Variants in EDA2R observed in about 807,000 individuals in gnomAD.
The protein encoded by EDA2R is ectodysplasin A2 receptor.
A neutral mutation model predicts 20.1 loss-of-function variants in EDA2R; 26 were observed. The ratio of observed to expected loss-of-function variants is 1.30; its 90% CI spans 0.95 to 1.80. EDA2R has a LOEUF of 1.80. Among genes scored for constraint, EDA2R ranks in the 40% most tolerant of loss-of-function variants. The probability of loss-of-function intolerance (pLI) is 0.00; values close to 1 mark genes in which losing one functional copy is unlikely to be tolerated. For missense variants in EDA2R, 277 were observed against 228.7 expected (o/e 1.21, Z -1.36); for synonymous variants, 114 against 88.7 (o/e 1.29, Z -1.60).
At chrX:66,600,435 G>A (rs1168597399) in intron 5 of EDA2R, among the ~76,000 whole-genome samples, 1 of 111,847 alleles carries the variant, frequency 8.9e-6, no homozygotes, top group Non-Finnish European at 1.9e-5. Flanking sequence ...GGCTAGGAAT[G>A]ACCTTCAGCT....
intron 1 of EDA2R, among the ~76,000 whole-genome samples, chrX:66,616,984 T>C (rs1931797966): frequency 8.9e-6 from 1 of 112,412 alleles, no homozygotes; most frequent in Admixed American, 9.4e-5. Context: ...AGAAAGGTTG[T>C]CTTCTACAAA....
intron 1 of EDA2R, among the ~76,000 whole-genome samples, chrX:66,625,602 G>A (rs1304991569): frequency 9.0e-6 from 1 of 111,351 alleles, no homozygotes; most frequent in Non-Finnish European, 1.9e-5. Context: ...AAGACAAAGG[G>A]CATATACTCT....
intron 3 of EDA2R, 104 bp downstream of exon 3, chrX:66,604,944 T>A (rs1325101692): frequency 1.3e-6 from 1 of 750,957 alleles, no homozygotes; most frequent in Non-Finnish European, 1.9e-6. Context: ...GAATATTATG[T>A]TTATAAGAAG....
chrX:66,602,565 C>T, intron 5 of EDA2R, 68 bp downstream of exon 5: 8 of 1,083,174 alleles, frequency 7.4e-6, no homozygotes, highest in Non-Finnish European at 9.8e-6. Flanking sequence ...AACCCCAGAA[C>T]ATCCCTCTCT....
intron 1 of EDA2R, among the ~76,000 whole-genome samples, chrX:66,636,350 T>C (rs775873243): frequency 9.0e-6 from 1 of 111,675 alleles, no homozygotes; most frequent in South Asian, 3.8e-4. Flanking sequence ...TTTGACTTGA[T>C]ACCATGCCAG....
At chrX:66,606,918 A>G (rs1929787038) in intron 2 of EDA2R, among the ~76,000 whole-genome samples, 1 of 112,625 alleles carries the variant, frequency 8.9e-6, no homozygotes, top group Non-Finnish European at 1.9e-5. Flanking sequence ...GCAGATTGGA[A>G]AAGTGATGGG....
At chrX:66,635,386 A>G (rs1278316002) in intron 1 of EDA2R, among the ~76,000 whole-genome samples, 1 of 112,386 alleles carries the variant, frequency 8.9e-6, no homozygotes, top group East Asian at 2.8e-4. Flanking sequence ...GCTCCCAAGA[A>G]GAGAATACAC....
At chrX:66,605,695 C>T (rs951436999) in intron 2 of EDA2R, among the ~76,000 whole-genome samples, 11 of 111,609 alleles carry the variant, frequency 9.9e-5, no homozygotes, top group Middle Eastern at 4.7e-3. Context: ...CAAGAAATGA[C>T]CCATATTGCT....
intron 1 of EDA2R, among the ~76,000 whole-genome samples, chrX:66,629,876 TA>T (rs1310439782): frequency 9.0e-6 from 1 of 111,077 alleles, no homozygotes; most frequent in Non-Finnish European, 1.9e-5. Context: ...AGAGCCCACA[TA>T]ACCAAAACAA....
chrX:66,624,155 G>A (rs936986496), intron 1 of EDA2R, among the ~76,000 whole-genome samples: 2 of 111,974 alleles, frequency 1.8e-5, no homozygotes, highest in African/African-American at 6.5e-5. Flanking sequence ...GTTTATAAAG[G>A]ATTTTACATC....
chrX:66,616,573 G>A (rs1217907140), intron 1 of EDA2R, among the ~76,000 whole-genome samples: 2 of 112,384 alleles, frequency 1.8e-5, no homozygotes, highest in African/African-American at 6.5e-5. Context: ...GTTTCTCTTT[G>A]CCAACAGTGG....
At chrX:66,630,843 A>ACACG (rs1933689047) in intron 1 of EDA2R, among the ~76,000 whole-genome samples, 1 of 108,851 alleles carries the variant, frequency 9.2e-6, no homozygotes, top group Non-Finnish European at 1.9e-5. Flanking sequence ...ACACACACAC[A>ACACG]CACACACAAA....
At chrX:66,616,098 A>C (rs1931638671) in intron 1 of EDA2R, 68 bp from the exon 2 acceptor site, 2 of 763,970 alleles carry the variant, frequency 2.6e-6, no homozygotes, top group Admixed American at 5.0e-5. Context: ...CTTCCATGCC[A>C]CTTGGCTTCT....
rs1403246403 is a variant in EDA2R, at chrX:66,597,960, A to G, written c.*144T>C. The G allele has an allele frequency of 7.7e-6, 6 of 777,972 alleles. No individual in the cohort carries two copies. The Admixed American group carries it at 1.8e-4, about 23-fold the overall frequency. The allele number at this position is 777,972 out of a possible 1,213,427, so 64.1% of individuals were successfully genotyped here. On this transcript the variant is annotated 3_prime_UTR_variant, in exon 7 of 7. Coordinates refer to ENST00000374719, the MANE Select transcript of EDA2R (RefSeq NM_021783.5). ...AATGGAGAATCAATCCTCTGGTGGGATGGGATAGGATATGCCCCATCTGTA... is the reference window on the plus strand; with the variant it reads ...AATGGAGAATCAATCCTCTGGTGGGGTGGGATAGGATATGCCCCATCTGTA...
chrX:66,599,329 G>T, intron 6 of EDA2R, 145 bp downstream of exon 6: 2 of 624,451 alleles, frequency 3.2e-6, no homozygotes, highest in African/African-American at 2.2e-5. Context: ...CACCACTGTT[G>T]CCCCTCCACC....
At chrX:66,601,983 G>A (rs1928690482) in intron 5 of EDA2R, among the ~76,000 whole-genome samples, 1 of 111,730 alleles carries the variant, frequency 9.0e-6, no homozygotes, top group South Asian at 3.8e-4. Context: ...GATATGGACT[G>A]GGCTAGACCT....
At chrX:66,637,734 G>A (rs1436754078) in intron 1 of EDA2R, among the ~76,000 whole-genome samples, 1 of 112,219 alleles carries the variant, frequency 8.9e-6, no homozygotes, top group Non-Finnish European at 1.9e-5. Flanking sequence ...TATTTATTGA[G>A]TGTTTATTTT....
intron 1 of EDA2R, among the ~76,000 whole-genome samples, chrX:66,624,054 T>G (rs1932850318): frequency 8.9e-6 from 1 of 112,494 alleles, no homozygotes; most frequent in African/African-American, 3.2e-5. Flanking sequence ...TGGCACACAG[T>G]AGGCATTAAA....
intron 2 of EDA2R, among the ~76,000 whole-genome samples, chrX:66,610,416 TTCTGGAAAGCAAGTTTTTATTCTA>T (rs1930539807): frequency 9.0e-6 from 1 of 111,098 alleles, no homozygotes; most frequent in Non-Finnish European, 1.9e-5. Context: ...GGTATTGTTC[TTCTGGAAAGCAAGTTTTTATTCTA>T]TCTATAGCAC....
Sources: allele counts gnomAD v4.1 joint callset (sites outside exome capture counted in the v4.1 genomes callset), GRCh38; gene constraint gnomAD v4.1.1; transcripts MANE v1.5; gene names NCBI Gene and HGNC (gene_info 2026-07-23, HGNC 2026-07-21).